MAPKBP1: variants seen among roughly 807,000 people sequenced by gnomAD.
MAPKBP1 encodes mitogen-activated protein kinase binding protein 1.
A neutral mutation model predicts 170.5 loss-of-function variants in MAPKBP1; 71 were observed. The observed-to-expected ratio is 0.42, with a 90% CI of 0.34 to 0.51. MAPKBP1 has a LOEUF of 0.51. MAPKBP1 is among the 20% of genes least tolerant of loss of function. The probability of loss-of-function intolerance (pLI) is 0.06; values close to 1 mark genes in which losing one functional copy is unlikely to be tolerated. For synonymous variants in MAPKBP1, 719 were observed against 757.9 expected, an observed-to-expected ratio of 0.95 and a Z score of 0.84; for missense variants, 1,598 against 1,933.0, an observed-to-expected ratio of 0.83 and a Z score of 3.25.
At chr15:41,791,534 A>G (rs1226460741) in intron 2 of MAPKBP1, among the ~76,000 whole-genome samples, 1 of 152,218 alleles carries the variant, frequency 6.6e-6, no homozygotes, top group Middle Eastern at 3.2e-3. Context: ...CCTGTCCTCT[A>G]GCTCGTGAAC....
Position 41,813,003 on chromosome 15 carries a change from A to G in MAPKBP1, c.721A>G (p.Arg241Gly). The G allele has an allele frequency of 6.2e-7, 1 of 1,614,054 alleles. No homozygotes were observed. Among genetic ancestry groups the G allele is most frequent in the Non-Finnish European group, 8.5e-7 (1 of 1,179,956 alleles). ...CCTATTCACTGATGTGGCCTGTGGC[A>G]GAGGAAAAAAGGCGGACAGTACCTT... ...NNLFTDVACGRGKKADSTFCI... is the reference protein window; with the variant it reads ...NNLFTDVACGGGKKADSTFCI... The change falls in exon 8 of 31, where the codon AGA (arginine) becomes GGA (glycine). Residue 241 changes from arginine (R) to glycine (G), a missense_variant. This residue lies in a region of MAPKBP1 where 430 missense variants were observed against 617.2 expected (regional missense o/e 0.70). Transcript: ENST00000457542.
At chr15:41,776,887 A>G (rs984513646) in intron 2 of MAPKBP1, among the ~76,000 whole-genome samples, 5 of 152,200 alleles carry the variant, frequency 3.3e-5, no homozygotes, top group Admixed American at 2.0e-4. Context: ...GAAGTGTGCA[A>G]TCAGTGATGG....
chr15:41,799,911 C>T lies in MAPKBP1; in HGVS notation c.203C>T (p.Ala68Val). Residue 68 changes from alanine (A) to valine (V), a missense_variant, in exon 3 of 31, where the codon GCA becomes GTA. Coordinates refer to ENST00000457542, the MANE Select transcript of MAPKBP1 (RefSeq NM_014994.3). ...DPRSGLVAYPAGCVVVLFNPR... is the reference protein window; with the variant it reads ...DPRSGLVAYPVGCVVVLFNPR... Reference sequence around the variant, plus strand: ...CGATCAGGTTTAGTTGCTTACCCAGCAGGGTAAGTAAGCGCCTTGGAAGAG... The same window carrying T: ...CGATCAGGTTTAGTTGCTTACCCAGTAGGGTAAGTAAGCGCCTTGGAAGAG... The T allele has an allele frequency of 6.2e-7, 1 of 1,614,022 alleles. No individual in the cohort carries two copies. The highest frequency in any genetic ancestry group is 8.5e-7 in the Non-Finnish European group (1 of 1,179,896).
intron 2 of MAPKBP1, among the ~76,000 whole-genome samples, chr15:41,794,095 G>A (rs966029790): frequency 1.3e-5 from 2 of 152,122 alleles, no homozygotes; most frequent in Non-Finnish European, 1.5e-5. Context: ...AGCCAGACAC[G>A]ATGGTGGGTG....
At chr15:41,783,836 C>T (rs1219173980) in intron 2 of MAPKBP1, among the ~76,000 whole-genome samples, 1 of 152,084 alleles carries the variant, frequency 6.6e-6, no homozygotes, top group African/African-American at 2.4e-5. Flanking sequence ...GGTGAAACCC[C>T]GTCTCTACTA....
At chr15:41,806,918 G>C (rs2064707371) in intron 3 of MAPKBP1, among the ~76,000 whole-genome samples, 1 of 152,210 alleles carries the variant, frequency 6.6e-6, no homozygotes, top group African/African-American at 2.4e-5. Context: ...CTCAAGTCAA[G>C]CACACAAGGA....
chr15:41,790,185 C>T (rs867776365), intron 2 of MAPKBP1, among the ~76,000 whole-genome samples: 13 of 152,180 alleles, frequency 8.5e-5, no homozygotes, highest in East Asian at 3.8e-4. Flanking sequence ...TTTGTACCCC[C>T]GGTGCGTTCT....
intron 2 of MAPKBP1, among the ~76,000 whole-genome samples, chr15:41,798,538 C>A (rs1320164412): frequency 6.6e-6 from 1 of 152,084 alleles, no homozygotes; most frequent in Admixed American, 6.5e-5. Flanking sequence ...CCACCTTGGC[C>A]TCCCAAAGTG....
In MAPKBP1 at chr15:41,813,053, G is replaced by A. The variant is rs1162859465; in HGVS notation, c.771G>A (p.Leu257=). ...TCTGCATCACGTCCTCAGGGCTGCT[G>A]TGCGAGTTCAGTGATCGAAGGCTTT... ...STFCITSSGL[L]CEFSDRRLLD... is the part of the protein sequence containing the mutation. The change falls in exon 8 of 31, where the codon CTG becomes CTA. Residue 257 remains leucine, a synonymous_variant. Coordinates refer to ENST00000457542, the MANE Select transcript of MAPKBP1 (RefSeq NM_014994.3). The A allele has an allele frequency of 2.5e-6, 4 of 1,613,022 alleles. No individual in the cohort carries two copies. Among genetic ancestry groups the A allele is most frequent in the African/African-American group, 1.3e-5 (1 of 74,900 alleles).
intron 2 of MAPKBP1, among the ~76,000 whole-genome samples, chr15:41,795,287 C>T (rs2064468970): frequency 6.6e-6 from 1 of 152,006 alleles, no homozygotes; most frequent in Non-Finnish European, 1.5e-5. Context: ...TGAGCAAAGA[C>T]TTCAGGAAAT....
At chr15:41,813,558 GT>G in intron 8 of MAPKBP1, 62 bp from the exon 9 acceptor site, 1 of 1,587,634 alleles carries the variant, frequency 6.3e-7, no homozygotes, top group Non-Finnish European at 8.6e-7. Context: ...CTGTTGATGG[GT>G]GGGGAGGAGA....
chr15:41,776,404 T>G (rs1205342265), intron 2 of MAPKBP1, among the ~76,000 whole-genome samples: 1 of 152,234 alleles, frequency 6.6e-6, no homozygotes, highest in Admixed American at 6.5e-5. Context: ...CCTGTGTTCC[T>G]TAGCAGAACT....
rs184898601 is a variant in MAPKBP1, at chr15:41,818,649, T to G, written c.2156+67T>G. 6.5e-7 allele frequency: 1 copy of G among 1,535,182 alleles called. No individual in the cohort carries two copies. Among genetic ancestry groups the G allele is most frequent in the African/African-American group, 1.4e-5 (1 of 72,902 alleles). Reference sequence around the variant, plus strand: ...TGCCACAGCACCCTGCCCTCCCCTCTCTCCATTTCAGTGATGTCTCTGGGA... The same window carrying G: ...TGCCACAGCACCCTGCCCTCCCCTCGCTCCATTTCAGTGATGTCTCTGGGA... On this transcript the variant is annotated intron_variant, in intron 19 of 30. Transcript: ENST00000457542. The surrounding 1 kb of genome is among the most constrained non-coding windows in gnomAD (Gnocchi z 5.2).
chr15:41,814,604 C>T lies in MAPKBP1; in HGVS notation c.1035C>T (p.Thr345=). ...NARYPDTIAL[T]FDPTNQWLSC... The stretch of plus-strand genomic sequence containing the variant: ...GGTATCCAGACACCATTGCCTTGAC[C>T]TTTGATCCTACTAATCAGTGGCTGT... The change falls in exon 10 of 31, where the codon ACC becomes ACT. Residue 345 remains threonine, a synonymous_variant. Coordinates refer to ENST00000457542, the MANE Select transcript of MAPKBP1 (RefSeq NM_014994.3). 1.2e-6 allele frequency: 2 copies of T among 1,614,166 alleles called. No individual in the cohort carries two copies. Among genetic ancestry groups the T allele is most frequent in the South Asian group, 1.1e-5 (1 of 91,082 alleles).
chr15:41,811,506 G>A, intron 5 of MAPKBP1: 2 of 677,518 alleles, frequency 3.0e-6, no homozygotes, highest in South Asian at 3.0e-5. Context: ...TTTGTAACAA[G>A]TTCCCAGAGA....
intron 3 of MAPKBP1, among the ~76,000 whole-genome samples, chr15:41,801,274 C>T (rs1364709263): frequency 1.3e-5 from 2 of 152,180 alleles, no homozygotes; most frequent in African/African-American, 2.4e-5. Flanking sequence ...CTTTCTCTTG[C>T]TGCCTTTTCA....
At chr15:41,778,728 C>T (rs1465254295) in intron 2 of MAPKBP1, among the ~76,000 whole-genome samples, 1 of 152,204 alleles carries the variant, frequency 6.6e-6, no homozygotes, top group East Asian at 1.9e-4. Flanking sequence ...TTCTTGATAG[C>T]TAACCCTCCT....
intron 2 of MAPKBP1, among the ~76,000 whole-genome samples, chr15:41,790,810 A>G (rs534740668): frequency 1.3e-5 from 2 of 152,302 alleles, no homozygotes; most frequent in South Asian, 2.1e-4. Flanking sequence ...ACCAGATGGC[A>G]CTTTGAACTT....
Position 41,822,278 on chromosome 15 carries a change from G to A in MAPKBP1, c.3085G>A (p.Glu1029Lys), listed in dbSNP as rs1350409815. Residue 1029 changes from glutamate to lysine, a missense_variant, in exon 26 of 31, where the codon GAG becomes AAG. By Grantham distance (56) the Glu-to-Lys change is moderately conservative. Transcript: ENST00000457542. ...GGATGGCATCTCCTCAGACCTTGAA[G>A]AGCCAGCTGAGGGTGATGAAGAAGA... ...SVDGISSDLE[E>K]PAEGDEEEEE... 6.2e-7 allele frequency: 1 copy of A among 1,613,974 alleles called. No individual in the cohort carries two copies. Among genetic ancestry groups the A allele is most frequent in the Non-Finnish European group, 8.5e-7 (1 of 1,180,010 alleles).
Sources: gnomAD v4.1 joint callset for allele counts (sites outside exome capture counted in the v4.1 genomes callset) on GRCh38, gnomAD v4.1.1 for gene constraint, gnomAD v4.1.1 regional missense constraint, Gnocchi (gnomAD v3.1) non-coding constraint, MANE v1.5 for transcripts, NCBI Gene and HGNC (gene_info 2026-07-23, HGNC 2026-07-21) for gene names.